Variants in CNTN5 observed in about 807,000 individuals in gnomAD.
The protein encoded by CNTN5 is contactin 5, also known as contactin-5.
In CNTN5, 77 loss-of-function variants were observed where a neutral mutation model predicts 129.1. The ratio of observed to expected loss-of-function variants is 0.60; its 90% CI spans 0.50 to 0.72. The LOEUF is 0.72. Among genes scored for constraint, CNTN5 ranks in the 30% least tolerant of loss-of-function variants. The pLI, the probability that CNTN5 is intolerant of heterozygous loss-of-function variation, is 0.00. For missense variants in CNTN5, 1,478 were observed against 1,328.8 expected, an observed-to-expected ratio of 1.11 and a Z score of -1.75; for synonymous variants, 509 against 465.6, an observed-to-expected ratio of 1.09 and a Z score of -1.20.
chr11:99,799,863 A>C (rs1346514318), intron 3 of CNTN5, among the ~76,000 whole-genome samples: 5 of 151,984 alleles, frequency 3.3e-5, no homozygotes, highest in Non-Finnish European at 7.4e-5. Flanking sequence ...TTGGCTGTGA[A>C]TCCATCTGCT....
At chr11:99,025,833 TTAAA>T (rs1470996666) in intron 1 of CNTN5, among the ~76,000 whole-genome samples, 2 of 151,734 alleles carry the variant, frequency 1.3e-5, no homozygotes, top group African/African-American at 4.8e-5. Context: ...CTTTATTTTC[TTAAA>T]TAATTAATGT....
intron 1 of CNTN5, among the ~76,000 whole-genome samples, chr11:99,083,886 T>C (rs1333525873): frequency 2.6e-5 from 4 of 152,200 alleles, no homozygotes; most frequent in African/African-American, 9.6e-5. Flanking sequence ...GCCCTCTCTC[T>C]AGGGTTGAGA....
intron 3 of CNTN5, among the ~76,000 whole-genome samples, chr11:99,777,960 C>T (rs564924944): frequency 6.6e-6 from 1 of 151,916 alleles, no homozygotes; most frequent in East Asian, 1.9e-4. Flanking sequence ...ATTGGGTATT[C>T]TGTGATATTG....
chr11:99,235,984 A>T (rs1861239367), intron 1 of CNTN5, among the ~76,000 whole-genome samples: 2 of 152,308 alleles, frequency 1.3e-5, no homozygotes, highest in African/African-American at 2.4e-5. Flanking sequence ...ATAATAATAA[A>T]AAATTGAAAC....
At chr11:99,619,767 C>G (rs1243408968) in intron 3 of CNTN5, among the ~76,000 whole-genome samples, 1 of 152,034 alleles carries the variant, frequency 6.6e-6, no homozygotes, top group Middle Eastern at 3.2e-3. Context: ...TGGCTCAAGC[C>G]TGTAATCCCA....
At chr11:99,058,450 A>T (rs899161619) in intron 1 of CNTN5, among the ~76,000 whole-genome samples, 4 of 152,158 alleles carry the variant, frequency 2.6e-5, no homozygotes, top group African/African-American at 9.6e-5. Flanking sequence ...GTTTACATTT[A>T]TATATATGTG....
chr11:100,071,857 A>C, intron 12 of CNTN5, 23 bp downstream of exon 12: 1 of 1,551,746 alleles, frequency 6.4e-7, no homozygotes, highest in Non-Finnish European at 8.6e-7. Context: ...TAAGTGAATA[A>C]ATTGAAAAAA....
chr11:100,293,723 T>C (rs1333415847), intron 18 of CNTN5, among the ~76,000 whole-genome samples: 1 of 151,778 alleles, frequency 6.6e-6, no homozygotes, highest in Non-Finnish European at 1.5e-5. Context: ...AACCCAGATC[T>C]TTCTTACTCC....
chr11:99,398,424 A>G (rs1294187805), intron 2 of CNTN5, among the ~76,000 whole-genome samples: 4 of 151,866 alleles, frequency 2.6e-5, no homozygotes, highest in African/African-American at 4.8e-5. Flanking sequence ...AATTCTATGC[A>G]TTTTAGCAAA....
At chr11:99,265,940 A>G (rs2135839282) in intron 1 of CNTN5, among the ~76,000 whole-genome samples, 1 of 152,220 alleles carries the variant, frequency 6.6e-6, no homozygotes, top group Admixed American at 6.6e-5. Context: ...TTGAATTTCA[A>G]TGATAGAAAC....
At chr11:99,671,427 G>A (rs1371762566) in intron 3 of CNTN5, among the ~76,000 whole-genome samples, 1 of 152,092 alleles carries the variant, frequency 6.6e-6, no homozygotes, top group South Asian at 2.1e-4. Flanking sequence ...TGAATATACG[G>A]TTGGGTAAAC....
At chr11:99,514,857 A>G (rs796159828) in intron 2 of CNTN5, among the ~76,000 whole-genome samples, 3 of 152,142 alleles carry the variant, frequency 2.0e-5, no homozygotes, top group African/African-American at 7.2e-5. Flanking sequence ...ATGCCTATAT[A>G]TGGAAAGATA....
chr11:99,515,471 ATC>A (rs1947011395), intron 2 of CNTN5, among the ~76,000 whole-genome samples: 1 of 152,038 alleles, frequency 6.6e-6, no homozygotes. Context: ...CAAAGATATC[ATC>A]TGTCTTTTTC....
intron 1 of CNTN5, among the ~76,000 whole-genome samples, chr11:99,311,663 G>C (rs1182765689): frequency 1.3e-5 from 2 of 152,134 alleles, no homozygotes; most frequent in African/African-American, 4.8e-5. Context: ...TTATTTTCAA[G>C]TGGTTCTTGA....
intron 21 of CNTN5, among the ~76,000 whole-genome samples, chr11:100,332,535 T>C (rs973002339): frequency 6.6e-6 from 1 of 151,906 alleles, no homozygotes; most frequent in Non-Finnish European, 1.5e-5. Context: ...ATAACAAAAA[T>C]AGAAAACTAC....
At chr11:99,259,867 T>C (rs1368721717) in intron 1 of CNTN5, among the ~76,000 whole-genome samples, 1 of 151,952 alleles carries the variant, frequency 6.6e-6, no homozygotes, top group Non-Finnish European at 1.5e-5. Context: ...TTTGAAATTT[T>C]ATTTTCTAGG....
chr11:99,484,097 C>A (rs771489959), intron 2 of CNTN5, among the ~76,000 whole-genome samples: 1 of 151,820 alleles, frequency 6.6e-6, no homozygotes, highest in Non-Finnish European at 1.5e-5. Flanking sequence ...ACAAAGGAAA[C>A]GGTCAATAGA....
At chr11:99,521,157 C>T (rs1036820557) in intron 2 of CNTN5, among the ~76,000 whole-genome samples, 4 of 152,078 alleles carry the variant, frequency 2.6e-5, no homozygotes, top group African/African-American at 9.7e-5. Context: ...TCCTACTCCT[C>T]CTCCTCCTCC....
intron 3 of CNTN5, among the ~76,000 whole-genome samples, chr11:99,812,777 A>AGGAT (rs1378492132): frequency 6.6e-6 from 1 of 152,090 alleles, no homozygotes; most frequent in African/African-American, 2.4e-5. Context: ...ATGGAGGAGG[A>AGGAT]GGATATATGC....
Sources: gnomAD v4.1 joint callset for allele counts (sites outside exome capture counted in the v4.1 genomes callset) on GRCh38, gnomAD v4.1.1 for gene constraint, MANE v1.5 for transcripts, NCBI Gene and HGNC (gene_info 2026-07-23, HGNC 2026-07-21) for gene names.